DLG2: variants seen among roughly 807,000 people sequenced by gnomAD.
The protein encoded by DLG2 is disks large homolog 2.
DLG2 carries 45 observed loss-of-function variants against 132.5 expected under a neutral mutation model. The ratio of observed to expected loss-of-function variants is 0.34; its 90% CI spans 0.27 to 0.44. The LOEUF (loss-of-function observed/expected upper bound fraction) is 0.44, where lower values mean the gene tolerates loss of function less well. Ranked by LOEUF, DLG2 falls within the 20% of genes least tolerant of loss-of-function variation. The pLI, the probability that DLG2 is intolerant of heterozygous loss-of-function variation, is 1.00. For missense variants in DLG2, 1,045 were observed against 1,196.9 expected (o/e 0.87, Z 1.87); for synonymous variants, 424 against 419.6 (o/e 1.01, Z -0.13).
intron 21 of DLG2, among the ~76,000 whole-genome samples, chr11:83,489,072 T>C (rs944228548): frequency 2.0e-5 from 3 of 152,002 alleles, no homozygotes; most frequent in East Asian, 3.9e-4. Context: ...GATGTAGGCA[T>C]TGAGTATCAG....
chr11:84,450,386 A>C (rs1416316936), intron 7 of DLG2, among the ~76,000 whole-genome samples: 1 of 151,562 alleles, frequency 6.6e-6, no homozygotes. Context: ...GTACTTAGAA[A>C]ACAGATCAGA....
At chr11:84,554,373 A>T (rs1444149625) in intron 6 of DLG2, among the ~76,000 whole-genome samples, 1 of 152,156 alleles carries the variant, frequency 6.6e-6, no homozygotes, top group African/African-American at 2.4e-5. Flanking sequence ...CAGGGATTCA[A>T]CAGTGTACAA....
intron 6 of DLG2, among the ~76,000 whole-genome samples, chr11:84,770,059 A>G (rs192002827): frequency 6.6e-6 from 1 of 152,194 alleles, no homozygotes; most frequent in East Asian, 1.9e-4. Context: ...TGGGTTATGG[A>G]GGTAGATTCC....
chr11:83,497,496 T>C (rs903358503), intron 21 of DLG2, among the ~76,000 whole-genome samples: 3 of 151,772 alleles, frequency 2.0e-5, no homozygotes, highest in African/African-American at 7.2e-5. Flanking sequence ...GATCACACCA[T>C]TGCACTCCAG....
rs182139304 is a variant in DLG2 at position 85,401,131 on chromosome 11, T to C, written c.41-115766A>G. On this transcript the variant is annotated intron_variant, in intron 3 of 27. Transcript: ENST00000376104. The stretch of plus-strand genomic sequence containing the variant: ...CAAATCCAGCAGCACATCAAAAAGC[T>C]TATCCAACATGATCAAGTGGGCTTC... Among the ~76,000 whole-genome samples, 260 of 152,104 alleles carry C rather than the reference T, an allele frequency of 1.7e-3. 2 individuals are homozygous for C. Among genetic ancestry groups the C allele is most frequent in the African/African-American group, 5.9e-3 (246 of 41,496 alleles).
chr11:84,207,525 T>C (rs140621984), intron 8 of DLG2, among the ~76,000 whole-genome samples: 131 of 152,194 alleles, frequency 8.6e-4, no homozygotes, highest in African/African-American at 3.1e-3. Flanking sequence ...AAGGCGCCAA[T>C]GGCATTCAGA....
chr11:83,498,116 T>C (rs2094248346), intron 21 of DLG2, among the ~76,000 whole-genome samples: 2 of 152,232 alleles, frequency 1.3e-5, no homozygotes, highest in South Asian at 2.1e-4. Context: ...AATTCCGATT[T>C]TTAAGTTTAC....
chr11:83,480,665 A>G, intron 22 of DLG2: 1 of 1,534,784 alleles, frequency 6.5e-7, no homozygotes, highest in Middle Eastern at 1.7e-4. Flanking sequence ...ATTACAAAAA[A>G]TGCATAATGT....
chr11:85,233,776 T>C (rs999349773), intron 4 of DLG2, among the ~76,000 whole-genome samples: 10 of 150,968 alleles, frequency 6.6e-5, no homozygotes, highest in African/African-American at 2.2e-4. Flanking sequence ...CCTTTTCTGG[T>C]GGTGGTGGCT....
intron 6 of DLG2, among the ~76,000 whole-genome samples, chr11:84,676,151 T>C (rs1010525139): frequency 2.0e-5 from 3 of 152,062 alleles, no homozygotes; most frequent in African/African-American, 4.8e-5. Flanking sequence ...TGAGAGCTAT[T>C]TATTAAGCAT....
At chr11:84,066,236 A>T (rs146863832) in intron 10 of DLG2, among the ~76,000 whole-genome samples, 1 of 152,334 alleles carries the variant, frequency 6.6e-6, no homozygotes, top group African/African-American at 2.4e-5. Context: ...AAAAGAAAAA[A>T]ATAATAAATG....
At chr11:83,902,322 TAA>T (rs1467986947) in intron 15 of DLG2, among the ~76,000 whole-genome samples, 3 of 152,252 alleles carry the variant, frequency 2.0e-5, no homozygotes, top group Admixed American at 6.5e-5. Context: ...CATTGGAAAA[TAA>T]AAGTTTAGAG....
At chr11:85,618,478 A>G (rs936784403) in intron 2 of DLG2, among the ~76,000 whole-genome samples, 4 of 152,248 alleles carry the variant, frequency 2.6e-5, no homozygotes, top group African/African-American at 9.6e-5. Context: ...CAACATTTTA[A>G]AAACCCAATG....
At chr11:84,716,626 CTT>C (rs1193136228) in intron 6 of DLG2, among the ~76,000 whole-genome samples, 1 of 150,372 alleles carries the variant, frequency 6.7e-6, no homozygotes, top group Non-Finnish European at 1.5e-5. Flanking sequence ...AGAAAAAAAC[CTT>C]TTAGAAGACC....
chr11:84,110,266 C>T (rs984232097), intron 9 of DLG2, among the ~76,000 whole-genome samples: 7 of 152,062 alleles, frequency 4.6e-5, no homozygotes, highest in East Asian at 1.9e-4. Context: ...TCATCTAAAG[C>T]GATAACCTGC....
rs947958814 is a variant in DLG2 at position 84,383,712 on chromosome 11, G to T, written c.520-132421C>A. On this transcript the variant is annotated intron_variant, in intron 7 of 27. Transcript: ENST00000376104. ...ATACCCCCACAAGGAAATACATTCT[G>T]TTAACAATCCAAGTAAGCTGGAATT... 1.8e-4 allele frequency among the ~76,000 whole-genome samples: 27 copies of T among 152,030 alleles called. 1 individual carries two copies. Among genetic ancestry groups the T allele is most frequent in the Admixed American group, 1.8e-3 (27 of 15,250 alleles).
chr11:83,959,162 C>A (rs2087785734), intron 14 of DLG2, among the ~76,000 whole-genome samples: 1 of 152,034 alleles, frequency 6.6e-6, no homozygotes, highest in Non-Finnish European at 1.5e-5. Context: ...CTTCTAAATT[C>A]ATGGAAAAAT....
chr11:84,857,477 A>G (rs2082949064), intron 6 of DLG2, among the ~76,000 whole-genome samples: 1 of 152,006 alleles, frequency 6.6e-6, no homozygotes, highest in Non-Finnish European at 1.5e-5. Context: ...CACAGGAGGA[A>G]TCAGTCTATG....
At chr11:83,590,087 C>G (rs1384233478) in intron 19 of DLG2, among the ~76,000 whole-genome samples, 3 of 109,698 alleles carry the variant, frequency 2.7e-5, no homozygotes, top group Non-Finnish European at 5.5e-5. Context: ...ATCAACGAGA[C>G]AGAAGTCAAC....
Sources: allele counts gnomAD v4.1 joint callset (sites outside exome capture counted in the v4.1 genomes callset), GRCh38; gene constraint gnomAD v4.1.1; transcripts MANE v1.5; gene names NCBI Gene and HGNC (gene_info 2026-07-23, HGNC 2026-07-21).